The following PRKAG2 variants were observed in gnomAD, a reference collection of about 807,000 sequenced individuals.
PRKAG2 encodes protein kinase AMP-activated non-catalytic subunit gamma 2, also known as 5'-AMP-activated protein kinase subunit gamma-2.
In PRKAG2, 26 loss-of-function variants were observed where a neutral mutation model predicts 69.6. The observed-to-expected ratio is 0.37, with a 90% confidence interval of 0.27 to 0.52. The LOEUF is 0.52. Among genes scored for constraint, PRKAG2 ranks in the 20% least tolerant of loss-of-function variants. The pLI, the probability that PRKAG2 is intolerant of heterozygous loss-of-function variation, is 0.90. For synonymous variants in PRKAG2, 293 were observed against 285.0 expected (o/e 1.03, Z -0.28); for missense variants, 557 against 740.0 (o/e 0.75, Z 2.87).
At chr7:151,653,527 T>A (rs1393314180) in intron 4 of PRKAG2, among the ~76,000 whole-genome samples, 1 of 152,144 alleles carries the variant, frequency 6.6e-6, no homozygotes, top group African/African-American at 2.4e-5. Flanking sequence ...AGGAATGGGT[T>A]GAAAATTCTT....
At chr7:151,562,527 T>C (rs917171966) in intron 14 of PRKAG2, among the ~76,000 whole-genome samples, 1 of 152,184 alleles carries the variant, frequency 6.6e-6, no homozygotes, top group African/African-American at 2.4e-5. Context: ...CATAAATTTC[T>C]TTTAAATGTT....
At position 151,719,561 on chromosome 7, in the gene PRKAG2, C is replaced by T. The variant is rs913017397; in HGVS notation, c.467-43924G>A. ...GCCGCAGGGGTCAGAAAGAAGATGC[C>T]CCCTGTCTTCTGCCTCCTACCCTCA... On this transcript the variant is annotated intron_variant, in intron 3 of 15. Transcript: ENST00000287878. This position sits in a 1 kb window ranked among gnomAD's most constrained non-coding sequence, Gnocchi z 5.2. Among the ~76,000 whole-genome samples the T allele has an allele frequency of 5.3e-5, 8 of 152,122 alleles. No individual in the cohort carries two copies. The highest frequency in any genetic ancestry group is 1.0e-4 in the Non-Finnish European group (7 of 68,034).
intron 3 of PRKAG2, among the ~76,000 whole-genome samples, chr7:151,726,402 G>GCACA (rs150006055): frequency 2.9e-5 from 3 of 101,980 alleles, no homozygotes; most frequent in South Asian, 2.8e-4. Context: ...ACACACACAC[G>GCACA]CACACACACA....
chr7:151,746,730 A>G (rs1285870563), intron 3 of PRKAG2, among the ~76,000 whole-genome samples: 2 of 152,198 alleles, frequency 1.3e-5, no homozygotes, highest in Non-Finnish European at 2.9e-5. Flanking sequence ...GCTGGGCACC[A>G]TGCTGAGAAT....
At chr7:151,820,544 A>G (rs1202162991) in intron 1 of PRKAG2, among the ~76,000 whole-genome samples, 14 of 62,550 alleles carry the variant, frequency 2.2e-4, no homozygotes, top group African/African-American at 9.0e-4. Flanking sequence ...TACTCGGAAC[A>G]CCGCTCCGTG....
intron 5 of PRKAG2, among the ~76,000 whole-genome samples, chr7:151,627,116 A>G (rs1823143651): frequency 1.3e-5 from 2 of 152,218 alleles, no homozygotes; most frequent in African/African-American, 4.8e-5. Flanking sequence ...CCCTGGTTTT[A>G]TAGAGAAAAC....
At chr7:151,703,732 C>T (rs1201017736) in intron 3 of PRKAG2, among the ~76,000 whole-genome samples, 6 of 152,002 alleles carry the variant, frequency 3.9e-5, no homozygotes, top group Non-Finnish European at 8.8e-5. Context: ...TGGCTGGGCG[C>T]GGTGGCTTAT....
intron 1 of PRKAG2, among the ~76,000 whole-genome samples, chr7:151,824,643 T>C (rs1341627340): frequency 6.6e-6 from 1 of 152,050 alleles, no homozygotes; most frequent in Non-Finnish European, 1.5e-5. Context: ...TCTCTCCTGC[T>C]CCTCTCACAG....
intron 4 of PRKAG2, among the ~76,000 whole-genome samples, chr7:151,672,386 C>T (rs1013322083): frequency 3.3e-5 from 5 of 152,182 alleles, no homozygotes; most frequent in Non-Finnish European, 7.3e-5. Context: ...TGAGCCACTG[C>T]GCCCAGCCAC....
intron 6 of PRKAG2, among the ~76,000 whole-genome samples, chr7:151,594,068 G>A (rs1341113338): frequency 2.6e-5 from 4 of 152,172 alleles, no homozygotes; most frequent in Non-Finnish European, 5.9e-5. Flanking sequence ...AGGGCCTGGT[G>A]GAGCAGGAAG....
At chr7:151,819,417 C>G (rs974931129) in intron 1 of PRKAG2, among the ~76,000 whole-genome samples, 1 of 152,192 alleles carries the variant, frequency 6.6e-6, no homozygotes, top group African/African-American at 2.4e-5. Flanking sequence ...CAGGGGGACA[C>G]GCAGCCTCAC....
At chr7:151,787,051 A>G (rs1384878204) in intron 1 of PRKAG2, among the ~76,000 whole-genome samples, 2 of 152,182 alleles carry the variant, frequency 1.3e-5, no homozygotes, top group Non-Finnish European at 2.9e-5. Context: ...ATTTGGGGAA[A>G]GTAGCTCACC....
intron 3 of PRKAG2, among the ~76,000 whole-genome samples, chr7:151,714,623 G>A (rs1029141149): frequency 5.3e-5 from 8 of 152,180 alleles, no homozygotes; most frequent in Admixed American, 1.3e-4. Flanking sequence ...ATAAAGAAAA[G>A]TGAAATAAAT....
At chr7:151,664,310 C>G (rs947342840) in intron 4 of PRKAG2, among the ~76,000 whole-genome samples, 3 of 152,112 alleles carry the variant, frequency 2.0e-5, no homozygotes, top group African/African-American at 7.2e-5. Flanking sequence ...TCACAGCAAC[C>G]CTGTGAGATA....
intron 3 of PRKAG2, among the ~76,000 whole-genome samples, chr7:151,728,910 G>A (rs1798444835): frequency 6.6e-6 from 1 of 152,146 alleles, no homozygotes; most frequent in East Asian, 1.9e-4. Flanking sequence ...ACTGGGATGG[G>A]GTCAGAAAAG....
At chr7:151,838,106 G>A (rs2079187486) in intron 1 of PRKAG2, among the ~76,000 whole-genome samples, 1 of 152,126 alleles carries the variant, frequency 6.6e-6, no homozygotes. Context: ...GAGAGGCTGG[G>A]CCCACATTTA....
intron 5 of PRKAG2, 152 bp downstream of exon 5, chr7:151,631,917 G>A: frequency 1.9e-5 from 15 of 795,020 alleles, no homozygotes; most frequent in Non-Finnish European, 2.2e-5. Context: ...CCGCATCCCC[G>A]CCCCGGTTCC....
chr7:151,651,058 A>C (rs924637242), intron 4 of PRKAG2, among the ~76,000 whole-genome samples: 1 of 152,190 alleles, frequency 6.6e-6, no homozygotes, highest in Non-Finnish European at 1.5e-5. Flanking sequence ...ATTTGTTGTC[A>C]ATGATAAAGT....
At chr7:151,604,172 G>A (rs58821041) in intron 5 of PRKAG2, among the ~76,000 whole-genome samples, 6,843 of 152,252 alleles carry the variant, frequency 0.045, 502 homozygotes, top group African/African-American at 0.16. Flanking sequence ...AGTGTGGCTT[G>A]GTGCTCCCTG....
Sources: gnomAD v4.1 joint callset for allele counts (sites outside exome capture counted in the v4.1 genomes callset) on GRCh38, gnomAD v4.1.1 for gene constraint, Gnocchi (gnomAD v3.1) non-coding constraint, MANE v1.5 for transcripts, NCBI Gene and HGNC (gene_info 2026-07-23, HGNC 2026-07-21) for gene names.